Variants in NEDD4L observed in about 807,000 individuals in gnomAD.
NEDD4L encodes the protein E3 ubiquitin-protein ligase NEDD4-like.
Under a neutral mutation model 148.9 loss-of-function variants are expected in NEDD4L, and 54 were observed. The ratio of observed to expected loss-of-function variants is 0.36; its 90% CI spans 0.29 to 0.45. The LOEUF (loss-of-function observed/expected upper bound fraction) is 0.45. NEDD4L is among the 20% of genes least tolerant of loss of function. The probability of loss-of-function intolerance (pLI) is 1.00; values close to 1 mark genes in which losing one functional copy is unlikely to be tolerated. For missense variants in NEDD4L, 856 were observed against 1,233.8 expected (o/e 0.69, Z 4.59); for synonymous variants, 433 against 440.7 (o/e 0.98, Z 0.22).
chr18:58,096,133 C>T (rs1164181664), intron 1 of NEDD4L, among the ~76,000 whole-genome samples: 4 of 151,984 alleles, frequency 2.6e-5, no homozygotes, highest in Non-Finnish European at 4.4e-5. Context: ...TCATGAACTC[C>T]TTGGTAGAAC....
rs570391533 is a variant in NEDD4L at position 58,114,341 on chromosome 18, A to T, written c.49-51447A>T. 2.0e-4 allele frequency among the ~76,000 whole-genome samples: 29 copies of T among 146,254 alleles called. No homozygotes were observed. The South Asian group carries it at 5.1e-3, about 26-fold the overall frequency. On this transcript the variant is annotated intron_variant, in intron 1 of 30. Coordinates refer to ENST00000400345, the MANE Select transcript of NEDD4L (RefSeq NM_001144967.3). ...GCTTTTGGAATCCATTGGGAGATTT[A>T]AAAAAAATATATATATATATACACA...
intron 2 of NEDD4L, among the ~76,000 whole-genome samples, chr18:58,219,523 G>C (rs1355036839): frequency 6.6e-6 from 1 of 152,138 alleles, no homozygotes; most frequent in Non-Finnish European, 1.5e-5. Flanking sequence ...GTTTTCTCAG[G>C]GCTCTGGATG....
chr18:58,147,123 T>C (rs1258145935), intron 1 of NEDD4L, among the ~76,000 whole-genome samples: 1 of 152,230 alleles, frequency 6.6e-6, no homozygotes, highest in Non-Finnish European at 1.5e-5. Flanking sequence ...TAGCTTTGTG[T>C]GTCTGTGTGT....
chr18:58,309,499 T>C (rs1244201068), intron 5 of NEDD4L, among the ~76,000 whole-genome samples: 1 of 152,078 alleles, frequency 6.6e-6, no homozygotes, highest in African/African-American at 2.4e-5. Context: ...ACTTGAACCA[T>C]GGACAGTCCA....
intron 5 of NEDD4L, among the ~76,000 whole-genome samples, chr18:58,311,974 C>T (rs2057752225): frequency 6.6e-6 from 1 of 152,224 alleles, no homozygotes; most frequent in African/African-American, 2.4e-5. Flanking sequence ...CTTGTCCCCT[C>T]CTTCTTACTT....
intron 1 of NEDD4L, among the ~76,000 whole-genome samples, chr18:58,090,352 A>G (rs574653416): frequency 1.5e-4 from 23 of 152,320 alleles, no homozygotes; most frequent in Admixed American, 1.2e-3. Context: ...TCATTGGGCC[A>G]TGAGATCTGA....
chr18:58,228,925 C>A (rs1173372621), intron 2 of NEDD4L, among the ~76,000 whole-genome samples: 1 of 152,196 alleles, frequency 6.6e-6, no homozygotes, highest in Non-Finnish European at 1.5e-5. Flanking sequence ...GCTACTCCCA[C>A]CAGCTGTACT....
At chr18:58,258,725 G>A (rs2048937361) in intron 5 of NEDD4L, among the ~76,000 whole-genome samples, 1 of 152,092 alleles carries the variant, frequency 6.6e-6, no homozygotes, top group Non-Finnish European at 1.5e-5. Flanking sequence ...ATTAGTACGT[G>A]GTTAGTAAGC....
chr18:58,111,867 G>A lies in NEDD4L; in HGVS notation c.49-53921G>A, dbSNP rs186320443. Among the ~76,000 whole-genome samples, 233 of 152,304 alleles carry A rather than the reference G, an allele frequency of 1.5e-3. 1 individual carries two copies. Among genetic ancestry groups the A allele is most frequent in the Non-Finnish European group, 1.9e-3 (130 of 68,036 alleles). On this transcript the variant is annotated intron_variant, in intron 1 of 30. Coordinates refer to ENST00000400345, the MANE Select transcript of NEDD4L (RefSeq NM_001144967.3). ...TACCTAGGAATGGAACTGCCAGACTGTTTTCCAAAGCAGCTCACCATTTGA... is the reference window on the plus strand; with the variant it reads ...TACCTAGGAATGGAACTGCCAGACTATTTTCCAAAGCAGCTCACCATTTGA...
At chr18:58,101,928 A>G (rs931971207) in intron 1 of NEDD4L, among the ~76,000 whole-genome samples, 1 of 152,154 alleles carries the variant, frequency 6.6e-6, no homozygotes, top group African/African-American at 2.4e-5. Flanking sequence ...TTAGTATAGA[A>G]GCAAATGGTT....
intron 5 of NEDD4L, among the ~76,000 whole-genome samples, chr18:58,296,782 C>T (rs893326116): frequency 1.1e-4 from 16 of 152,134 alleles, no homozygotes; most frequent in Admixed American, 3.3e-4. Context: ...ATTAGCCGGG[C>T]GTGGTGGTAC....
At chr18:58,360,772 G>GTC (rs1555843262) in intron 19 of NEDD4L, among the ~76,000 whole-genome samples, 1 of 151,516 alleles carries the variant, frequency 6.6e-6, no homozygotes, top group African/African-American at 2.4e-5. Flanking sequence ...GTGTGTGTGT[G>GTC]TACATGCATG....
chr18:58,193,007 C>A (rs933701940), intron 2 of NEDD4L, among the ~76,000 whole-genome samples: 4 of 152,172 alleles, frequency 2.6e-5, no homozygotes, highest in African/African-American at 4.8e-5. Flanking sequence ...TGGTTTGGGG[C>A]ATGCACCTGT....
intron 2 of NEDD4L, among the ~76,000 whole-genome samples, chr18:58,215,997 A>G (rs1045527018): frequency 8.2e-5 from 12 of 146,128 alleles, no homozygotes; most frequent in Middle Eastern, 7.1e-3. Context: ...TTTTTTTTTT[A>G]GTCAGATTCT....
chr18:58,336,946 G>A (rs559344158), intron 13 of NEDD4L, among the ~76,000 whole-genome samples: 14 of 152,322 alleles, frequency 9.2e-5, no homozygotes, highest in African/African-American at 3.4e-4. Flanking sequence ...TGAATTCAGT[G>A]CTGATGAACA....
chr18:58,367,953 C>CA lies in NEDD4L; in HGVS notation c.2185+90dup, dbSNP rs2046334984. Reference sequence around the variant, plus strand: ...ATCTTTCGCATCATGGGTTTTTAAGCAAAAGCTTCACTGGTTTACTCATAA... The same window carrying CA: ...ATCTTTCGCATCATGGGTTTTTAAGCAAAAAGCTTCACTGGTTTACTCATAA... On this transcript the variant is annotated intron_variant, in intron 22 of 30. Transcript: ENST00000400345. 5 of 1,398,634 alleles carry CA rather than the reference C, an allele frequency of 3.6e-6. No homozygotes were observed. In the Admixed American group the frequency reaches 7.5e-5, roughly 21 times the overall value. The allele number at this position is 1,398,634 out of a possible 1,614,324, so 86.6% of individuals were successfully genotyped here. A position where few individuals can be genotyped will look rare whatever the true frequency, so the allele number is the denominator to read the frequency against.
intron 5 of NEDD4L, among the ~76,000 whole-genome samples, chr18:58,279,796 A>G (rs1040785141): frequency 6.6e-6 from 1 of 152,250 alleles, no homozygotes; most frequent in Admixed American, 6.5e-5. Context: ...GCCAGATAGT[A>G]AATATTGTGG....
At chr18:58,156,682 G>A (rs1245524427) in intron 1 of NEDD4L, among the ~76,000 whole-genome samples, 1 of 152,038 alleles carries the variant, frequency 6.6e-6, no homozygotes, top group African/African-American at 2.4e-5. Flanking sequence ...CTCAGCCTTG[G>A]GAGGCCACCT....
At chr18:58,337,077 C>G (rs1365117269) in intron 13 of NEDD4L, among the ~76,000 whole-genome samples, 4 of 152,104 alleles carry the variant, frequency 2.6e-5, no homozygotes, top group African/African-American at 9.7e-5. Flanking sequence ...GTACCAGGCT[C>G]CATGGCAAGG....
Sources: allele counts gnomAD v4.1 joint callset (sites outside exome capture counted in the v4.1 genomes callset), GRCh38; gene constraint gnomAD v4.1.1; transcripts MANE v1.5; gene names NCBI Gene and HGNC (gene_info 2026-07-23, HGNC 2026-07-21).